The following LIN28B variants were observed in gnomAD, a reference collection of about 807,000 sequenced individuals.
LIN28B encodes protein lin-28 homolog B.
LIN28B carries 5 observed loss-of-function variants against 21.9 expected under a neutral mutation model. The ratio of observed to expected loss-of-function variants is 0.23; its 90% CI spans 0.12 to 0.48. The LOEUF (loss-of-function observed/expected upper bound fraction) is 0.48. LIN28B is among the 20% of genes least tolerant of loss of function. The pLI is 0.98. For missense variants in LIN28B, 245 were observed against 310.5 expected, an observed-to-expected ratio of 0.79 and a Z score of 1.58; for synonymous variants, 109 against 111.3, an observed-to-expected ratio of 0.98 and a Z score of 0.13.
intron 2 of LIN28B, among the ~76,000 whole-genome samples, chr6:104,999,870 G>A (rs1770685169): frequency 6.6e-6 from 1 of 152,028 alleles, no homozygotes; most frequent in African/African-American, 2.4e-5. Flanking sequence ...ATTAGAGACG[G>A]GGTTTCTCCA....
At position 105,030,822 on chromosome 6, in the gene LIN28B, T is replaced by C. The variant is rs533653917; in HGVS notation, c.383+4340T>C. Among the ~76,000 whole-genome samples, 473 of 152,012 alleles carry C rather than the reference T, an allele frequency of 3.1e-3. 6 individuals are homozygous for C. Among genetic ancestry groups the C allele is most frequent in the African/African-American group, 0.011 (451 of 41,492 alleles). The stretch of plus-strand genomic sequence containing the variant: ...TGTTGGCCAGGCTGGTCTCGAATCC[T>C]GGACCTCAGGTGATTCGCCTGCCTC... On this transcript the variant is annotated intron_variant, in intron 3 of 3. Transcript: ENST00000345080.
At chr6:104,951,586 A>AC (rs1421201845) in intron 3 of LIN28B, among the ~76,000 whole-genome samples, 1 of 151,966 alleles carries the variant, frequency 6.6e-6, no homozygotes, top group Non-Finnish European at 1.5e-5. Context: ...CAGTTCAGAG[A>AC]CCTTTTTCTT....
At chr6:105,051,157 CGGGCTGGGCACAGTGGCTCATGCCT>C (rs1329750787) in intron 3 of LIN28B, among the ~76,000 whole-genome samples, 2 of 150,246 alleles carry the variant, frequency 1.3e-5, no homozygotes, top group Non-Finnish European at 3.0e-5. Flanking sequence ...GAAAAAGCTG[CGGGCTGGGCACAGTGGCTCATGCCT>C]GTAATCCCAG....
chr6:105,042,907 T>C (rs1286083316), intron 3 of LIN28B, among the ~76,000 whole-genome samples: 1 of 152,136 alleles, frequency 6.6e-6, no homozygotes, highest in Non-Finnish European at 1.5e-5. Context: ...CTCTGATTTA[T>C]GGAAGTGATT....
At chr6:104,987,317 A>G (rs972492786) in intron 2 of LIN28B, among the ~76,000 whole-genome samples, 1 of 152,032 alleles carries the variant, frequency 6.6e-6, no homozygotes, top group African/African-American at 2.4e-5. Context: ...GCATCTTGCA[A>G]CCTTGCTAAA....
At chr6:105,048,914 T>C (rs920460268) in intron 3 of LIN28B, among the ~76,000 whole-genome samples, 1 of 152,220 alleles carries the variant, frequency 6.6e-6, no homozygotes, top group Non-Finnish European at 1.5e-5. Flanking sequence ...TCTTTTCTTC[T>C]TTATTAGTCT....
chr6:105,059,299 T>G (rs1294803311), intron 3 of LIN28B, among the ~76,000 whole-genome samples: 1 of 152,128 alleles, frequency 6.6e-6, no homozygotes, highest in Non-Finnish European at 1.5e-5. Context: ...TTAGAAAGCC[T>G]AACTGGTTCC....
At position 105,067,827 on chromosome 6, in the gene LIN28B, A is replaced by C. The variant is rs570760184; in HGVS notation, c.384-10587A>C. ...TGATATATAAAAATGTCTGGTTTAT[A>C]GCTATGCCTGATTGAAGTACCCTTA... On this transcript the variant is annotated intron_variant, in intron 3 of 3. Coordinates refer to ENST00000345080, the MANE Select transcript of LIN28B (RefSeq NM_001004317.4). 3.3e-4 allele frequency among the ~76,000 whole-genome samples: 51 copies of C among 152,328 alleles called. No individual in the cohort carries two copies. The South Asian group carries it at 4.1e-3, about 12-fold the overall frequency.
intron 3 of LIN28B, among the ~76,000 whole-genome samples, chr6:105,055,919 CTTTTTTTTTT>C (rs71006633): frequency 1.2e-5 from 1 of 83,376 alleles, no homozygotes; most frequent in African/African-American, 4.6e-5. Context: ...CCATGCCTGG[CTTTTTTTTTT>C]TTTTTTTTTT....
chr6:105,075,589 G>A (rs1772409267), intron 3 of LIN28B, among the ~76,000 whole-genome samples: 1 of 152,226 alleles, frequency 6.6e-6, no homozygotes, highest in African/African-American at 2.4e-5. Context: ...TATCAGGAAA[G>A]CCAAGGGGGT....
intron 2 of LIN28B, among the ~76,000 whole-genome samples, chr6:104,996,955 G>T (rs561122470): frequency 6.6e-6 from 1 of 152,294 alleles, no homozygotes; most frequent in South Asian, 2.1e-4. Context: ...TTGCACTCCA[G>T]CCTGGGTGAC....
intron 3 of LIN28B, among the ~76,000 whole-genome samples, chr6:105,054,273 G>T (rs1383453033): frequency 6.6e-6 from 1 of 152,082 alleles, no homozygotes; most frequent in Non-Finnish European, 1.5e-5. Context: ...GGTTTTGTTT[G>T]TATTTGTTTT....
At chr6:105,011,499 C>G (rs771104583) in intron 2 of LIN28B, among the ~76,000 whole-genome samples, 1 of 152,166 alleles carries the variant, frequency 6.6e-6, no homozygotes, top group Non-Finnish European at 1.5e-5. Flanking sequence ...CCGCAGTGTT[C>G]CTCTCTTGTT....
In LIN28B at chr6:105,026,485, A is replaced by G; in HGVS notation, c.383+3A>G. The G allele has an allele frequency of 6.5e-7, 1 of 1,533,156 alleles. No homozygotes were observed. Among genetic ancestry groups the G allele is most frequent in the Non-Finnish European group, 8.8e-7 (1 of 1,138,586 alleles). 95.0% of individuals were successfully genotyped at this position (1,533,156 alleles called of 1,614,324 possible). Reference sequence around the variant, plus strand: ...AAAAGAAAACCAAAGGGAGATAGGTAATCATTTTTACTTTGTTAATTTATC... The same window carrying G: ...AAAAGAAAACCAAAGGGAGATAGGTGATCATTTTTACTTTGTTAATTTATC... On this transcript the variant is annotated splice_donor_region_variant and intron_variant, in intron 3 of 3. Transcript: ENST00000345080.
intron 2 of LIN28B, among the ~76,000 whole-genome samples, chr6:105,015,763 T>C (rs1394976290): frequency 6.6e-6 from 1 of 152,174 alleles, no homozygotes; most frequent in East Asian, 1.9e-4. Context: ...AATTAGTTCT[T>C]GTAGAGGCAA....
At chr6:104,954,233 A>T (rs1778256800), upstream of LIN28B, among the ~76,000 whole-genome samples, 1 of 152,226 alleles carries the variant, frequency 6.6e-6, no homozygotes. Context: ...GAAAAAAATT[A>T]AAACCAGAAG....
At chr6:105,012,051 G>A (rs1016625428) in intron 2 of LIN28B, among the ~76,000 whole-genome samples, 6 of 151,372 alleles carry the variant, frequency 4.0e-5, no homozygotes, top group African/African-American at 1.5e-4. Context: ...CCAGCTACTC[G>A]GGAGGCTGAG....
intron 3 of LIN28B, among the ~76,000 whole-genome samples, chr6:105,038,818 T>C (rs1771576019): frequency 6.6e-6 from 1 of 151,298 alleles, no homozygotes; most frequent in Non-Finnish European, 1.5e-5. Context: ...TAAAGAAAAA[T>C]ATTCACTGAA....
In LIN28B at chr6:104,991,797, G is replaced by A. The variant is rs191677999; in HGVS notation, c.198+33511G>A. On this transcript the variant is annotated intron_variant, in intron 2 of 3. Transcript: ENST00000345080. The stretch of plus-strand genomic sequence containing the variant: ...AGGCCGAGGCTGGCAGATCACTCGC[G>A]GTTAGGAGCTGGAGACCAGCCCGGC... 7.8e-3 allele frequency among the ~76,000 whole-genome samples: 1,191 copies of A among 152,318 alleles called. 13 individuals carry two copies. Among genetic ancestry groups the A allele is most frequent in the African/African-American group, 0.025 (1,044 of 41,566 alleles).
Sources: allele counts gnomAD v4.1 joint callset (sites outside exome capture counted in the v4.1 genomes callset), GRCh38; gene constraint gnomAD v4.1.1; transcripts MANE v1.5; gene names NCBI Gene and HGNC (gene_info 2026-07-23, HGNC 2026-07-21).